Variants in MARCHF1 observed in about 807,000 individuals in gnomAD.
The protein encoded by MARCHF1 is membrane associated ring-CH-type finger 1.
In MARCHF1, 40 loss-of-function variants were observed where a neutral mutation model predicts 54.2. That is an observed-to-expected ratio of 0.74 (90% CI 0.57 to 0.96). MARCHF1 has a LOEUF of 0.96. Among genes scored for constraint, MARCHF1 ranks in the 40% least tolerant of loss-of-function variants. The pLI is 0.00. For missense variants in MARCHF1, 586 were observed against 656.5 expected (o/e 0.89, Z 1.17); for synonymous variants, 236 against 236.3 (o/e 1.00, Z 0.01).
At chr4:163,733,892 G>A (rs56681364) in intron 4 of MARCHF1, among the ~76,000 whole-genome samples, 61,878 of 151,864 alleles carry the variant, frequency 0.41, 12,952 homozygotes, top group Admixed American at 0.47. Flanking sequence ...GCAAAAATGT[G>A]TGCAAATCAC....
At chr4:164,040,228 C>G (rs1203764747) in intron 2 of MARCHF1, among the ~76,000 whole-genome samples, 1 of 142,622 alleles carries the variant, frequency 7.0e-6, no homozygotes, top group African/African-American at 2.5e-5. Flanking sequence ...ACTATATGTA[C>G]ACATGTATAT....
intron 3 of MARCHF1, among the ~76,000 whole-genome samples, chr4:163,901,299 G>T (rs1234870429): frequency 6.6e-6 from 1 of 152,114 alleles, no homozygotes; most frequent in Non-Finnish European, 1.5e-5. Context: ...AGTACACAGA[G>T]GATTTCAATA....
chr4:164,068,209 C>T (rs886537001), intron 2 of MARCHF1, among the ~76,000 whole-genome samples: 7 of 152,188 alleles, frequency 4.6e-5, no homozygotes, highest in Admixed American at 3.9e-4. Flanking sequence ...ATCCAGCAAT[C>T]CCATTGAGAG....
At chr4:163,609,688 A>AT (rs900643951) in intron 7 of MARCHF1, among the ~76,000 whole-genome samples, 2 of 145,810 alleles carry the variant, frequency 1.4e-5, no homozygotes, top group South Asian at 2.1e-4. Context: ...ATATATATAT[A>AT]TTTTTTTGCC....
rs576430369 is a variant in MARCHF1 at position 164,062,314 on chromosome 4, CATGGTAATCCATGAGGCTT to C, written c.-248+49255_-248+49273del. Among the ~76,000 whole-genome samples the C allele has an allele frequency of 5.3e-5, 8 of 152,170 alleles. No homozygotes were observed. In the South Asian group the frequency reaches 1.7e-3, roughly 32 times the overall value. On this transcript the variant is annotated intron_variant, in intron 2 of 9. Transcript: ENST00000514618. Reference sequence around the variant, plus strand: ...TCCTCCATTGAAATTTTGAATTCCTCATGGTAATCCATGAGGCTTAAAATTAACTTCTTTGAAATTCCTG... The same window carrying C: ...TCCTCCATTGAAATTTTGAATTCCTCAAAATTAACTTCTTTGAAATTCCTG...
intron 1 of MARCHF1, among the ~76,000 whole-genome samples, chr4:164,322,395 TG>T (rs1206376049): frequency 1.3e-5 from 2 of 151,920 alleles, no homozygotes; most frequent in East Asian, 3.9e-4. Context: ...CTGGATCACA[TG>T]GTAGCTCAAT....
At chr4:164,109,073 T>C (rs1336263131) in intron 2 of MARCHF1, among the ~76,000 whole-genome samples, 5 of 152,010 alleles carry the variant, frequency 3.3e-5, no homozygotes, top group Non-Finnish European at 4.4e-5. Flanking sequence ...ACTGGGACCA[T>C]TGTTGAGCGT....
At chr4:164,226,017 T>C (rs547739651) in intron 1 of MARCHF1, among the ~76,000 whole-genome samples, 2 of 152,182 alleles carry the variant, frequency 1.3e-5, no homozygotes, top group South Asian at 2.1e-4. Context: ...CACAATCAAC[T>C]ACTGCAGGAA....
chr4:163,583,652 GT>G (rs11350711), intron 8 of MARCHF1: 54,066 of 123,706 alleles, frequency 0.44, 11,716 homozygotes, highest in Middle Eastern at 0.53. Context: ...TTTTTTGTGT[GT>G]TTTTTTTTTT....
intron 4 of MARCHF1, among the ~76,000 whole-genome samples, chr4:163,823,807 T>C (rs910025317): frequency 2.0e-5 from 3 of 151,856 alleles, no homozygotes; most frequent in Non-Finnish European, 4.4e-5. Context: ...GCCTCCAAGA[T>C]AGTTATTTTT....
chr4:164,105,401 T>C (rs1013868201), intron 2 of MARCHF1, among the ~76,000 whole-genome samples: 3 of 151,020 alleles, frequency 2.0e-5, no homozygotes, highest in Non-Finnish European at 4.4e-5. Context: ...AGCATGGTAC[T>C]GGTACCAAAA....
intron 1 of MARCHF1, among the ~76,000 whole-genome samples, chr4:164,166,011 T>C (rs997019899): frequency 1.3e-5 from 2 of 151,972 alleles, no homozygotes; most frequent in African/African-American, 4.8e-5. Context: ...GCTCAGCAAA[T>C]GATGTAGCAA....
chr4:163,566,429 G>A (rs747496792), intron 8 of MARCHF1, among the ~76,000 whole-genome samples: 7 of 152,206 alleles, frequency 4.6e-5, no homozygotes, highest in East Asian at 1.9e-4. Context: ...AAAGTCCCAC[G>A]AGTTCAGATA....
chr4:163,623,883 C>A (rs1048823401), intron 5 of MARCHF1, among the ~76,000 whole-genome samples: 3 of 152,128 alleles, frequency 2.0e-5, no homozygotes, highest in Non-Finnish European at 4.4e-5. Flanking sequence ...AGAACCCAAA[C>A]TGGAGAGAGA....
At chr4:163,740,511 G>T (rs909477225) in intron 4 of MARCHF1, among the ~76,000 whole-genome samples, 2 of 152,114 alleles carry the variant, frequency 1.3e-5, no homozygotes, top group Non-Finnish European at 2.9e-5. Flanking sequence ...TGAGCAATAG[G>T]GTACAGGGCC....
chr4:164,123,938 G>A (rs1347323445), intron 1 of MARCHF1, among the ~76,000 whole-genome samples: 2 of 151,910 alleles, frequency 1.3e-5, no homozygotes, highest in African/African-American at 2.4e-5. Context: ...ACACAGCAAA[G>A]GAAACAATCA....
chr4:163,589,970 G>A (rs1740533366), intron 7 of MARCHF1, among the ~76,000 whole-genome samples: 1 of 151,892 alleles, frequency 6.6e-6, no homozygotes, highest in South Asian at 2.1e-4. Flanking sequence ...ATTTATGACT[G>A]AATAAACTCT....
intron 1 of MARCHF1, among the ~76,000 whole-genome samples, chr4:164,349,988 A>T (rs1284455373): frequency 1.3e-5 from 2 of 152,216 alleles, no homozygotes; most frequent in Non-Finnish European, 2.9e-5. Flanking sequence ...ACCAAGCTTC[A>T]GTTTCTTCAT....
chr4:163,829,708 C>T (rs1173530827), intron 4 of MARCHF1, among the ~76,000 whole-genome samples: 2 of 152,196 alleles, frequency 1.3e-5, no homozygotes, highest in African/African-American at 4.8e-5. Context: ...TTTGTAAACA[C>T]TGTTTCTGCC....
Sources: allele counts gnomAD v4.1 joint callset (sites outside exome capture counted in the v4.1 genomes callset), GRCh38; gene constraint gnomAD v4.1.1; transcripts MANE v1.5; gene names NCBI Gene and HGNC (gene_info 2026-07-23, HGNC 2026-07-21).